Variants in MCTP1 observed in about 807,000 individuals in gnomAD.
MCTP1 encodes multiple C2 and transmembrane domain containing 1.
A neutral mutation model predicts 120.6 loss-of-function variants in MCTP1; 69 were observed. The observed-to-expected ratio is 0.57, with a 90% CI of 0.47 to 0.70. The LOEUF is 0.70. MCTP1 is among the 30% of genes least tolerant of loss of function. The pLI is 0.00. For missense variants in MCTP1, 1,203 were observed against 1,248.8 expected (o/e 0.96, Z 0.55); for synonymous variants, 529 against 493.1 (o/e 1.07, Z -0.96).
At chr5:94,775,599 G>A (rs1775115112) in intron 19 of MCTP1, among the ~76,000 whole-genome samples, 1 of 152,172 alleles carries the variant, frequency 6.6e-6, no homozygotes, top group Non-Finnish European at 1.5e-5. Flanking sequence ...ATAACAAAGG[G>A]AATTGAGAAC....
At chr5:94,733,404 C>G (rs7711363) in intron 19 of MCTP1, among the ~76,000 whole-genome samples, 29,823 of 152,118 alleles carry the variant, frequency 0.2, 3,012 homozygotes, top group South Asian at 0.31. Flanking sequence ...ATCATCTTTC[C>G]TTAGAACAAA....
At chr5:95,278,725 G>A (rs944095059) in intron 1 of MCTP1, among the ~76,000 whole-genome samples, 1 of 152,114 alleles carries the variant, frequency 6.6e-6, no homozygotes, top group Non-Finnish European at 1.5e-5. Context: ...CACCTTGGGA[G>A]GCCGAGGTGA....
intron 18 of MCTP1, among the ~76,000 whole-genome samples, chr5:94,779,542 C>T (rs988233581): frequency 3.3e-5 from 5 of 152,104 alleles, no homozygotes; most frequent in Admixed American, 3.3e-4. Context: ...TGAAACAGCT[C>T]TGCTATTTCT....
At chr5:94,867,313 T>C in intron 17 of MCTP1, 1 of 1,532,448 alleles carries the variant, frequency 6.5e-7, no homozygotes. Flanking sequence ...TCTGGTAACT[T>C]ACAACACAAA....
At chr5:95,132,364 A>C (rs1364252982) in intron 1 of MCTP1, among the ~76,000 whole-genome samples, 1 of 152,246 alleles carries the variant, frequency 6.6e-6, no homozygotes, top group African/African-American at 2.4e-5. Context: ...AAAGCCATGA[A>C]GAATCAGCAA....
At chr5:94,752,108 AATATAT>A (rs146434254) in intron 19 of MCTP1, among the ~76,000 whole-genome samples, 1,006 of 75,760 alleles carry the variant, frequency 0.013, 51 homozygotes, top group African/African-American at 0.027. Context: ...TAAATAATAA[AATATAT>A]ATATATATAT....
intron 1 of MCTP1, among the ~76,000 whole-genome samples, chr5:95,192,351 C>G (rs1329155684): frequency 6.6e-6 from 1 of 151,834 alleles, no homozygotes; most frequent in Admixed American, 6.6e-5. Context: ...ATAATTTAGC[C>G]TATTTCCATT....
At chr5:95,206,795 C>A (rs1751674502) in intron 1 of MCTP1, among the ~76,000 whole-genome samples, 1 of 152,162 alleles carries the variant, frequency 6.6e-6, no homozygotes. Context: ...CTCGGCCTCC[C>A]AAAGTGCTGG....
chr5:95,254,044 C>T (rs1205187920), intron 1 of MCTP1, among the ~76,000 whole-genome samples: 1 of 152,132 alleles, frequency 6.6e-6, no homozygotes, highest in Non-Finnish European at 1.5e-5. Flanking sequence ...ATATCTTAGT[C>T]TTCCAAACCA....
At chr5:95,207,744 G>A (rs1337084606) in intron 1 of MCTP1, among the ~76,000 whole-genome samples, 1 of 152,054 alleles carries the variant, frequency 6.6e-6, no homozygotes, top group Non-Finnish European at 1.5e-5. Context: ...AATATTTACT[G>A]AATACAAGAA....
At chr5:95,115,024 C>G (rs185345281) in intron 1 of MCTP1, among the ~76,000 whole-genome samples, 65 of 152,266 alleles carry the variant, frequency 4.3e-4, no homozygotes, top group Admixed American at 1.3e-3. Flanking sequence ...CCAAGACCAT[C>G]AAGGAGGTAC....
At chr5:94,828,358 G>T (rs2153142140) in intron 17 of MCTP1, among the ~76,000 whole-genome samples, 1 of 152,306 alleles carries the variant, frequency 6.6e-6, no homozygotes, top group African/African-American at 2.4e-5. Flanking sequence ...CCAGATGCCA[G>T]CTGGAGCTCT....
chr5:94,817,567 T>C (rs1784734386), intron 17 of MCTP1, among the ~76,000 whole-genome samples: 1 of 152,202 alleles, frequency 6.6e-6, no homozygotes, highest in Admixed American at 6.5e-5. Context: ...AAAAGTACAG[T>C]GCTGGTTTCT....
chr5:95,079,585 A>G (rs1487073280), intron 1 of MCTP1, among the ~76,000 whole-genome samples: 2 of 152,168 alleles, frequency 1.3e-5, no homozygotes, highest in Non-Finnish European at 2.9e-5. Flanking sequence ...CTTGGAATCA[A>G]AGCAAACATG....
At chr5:95,199,318 A>C (rs778262806) in intron 1 of MCTP1, among the ~76,000 whole-genome samples, 7 of 152,230 alleles carry the variant, frequency 4.6e-5, no homozygotes, top group Non-Finnish European at 7.3e-5. Context: ...AGTATAGATT[A>C]AACAACATCC....
chr5:95,153,237 C>T (rs1028538365), intron 1 of MCTP1, among the ~76,000 whole-genome samples: 2 of 152,086 alleles, frequency 1.3e-5, no homozygotes, highest in Non-Finnish European at 2.9e-5. Context: ...GGCATTCCCC[C>T]CGACCTCTCC....
intron 10 of MCTP1, among the ~76,000 whole-genome samples, chr5:94,900,242 G>A (rs1383576356): frequency 6.6e-6 from 1 of 152,178 alleles, no homozygotes; most frequent in Non-Finnish European, 1.5e-5. Context: ...TTTTTGCATG[G>A]CTAATTTTTT....
intron 1 of MCTP1, among the ~76,000 whole-genome samples, chr5:95,244,460 T>C (rs1478186765): frequency 6.6e-6 from 1 of 152,154 alleles, no homozygotes; most frequent in Non-Finnish European, 1.5e-5. Flanking sequence ...CCTGGAGAAA[T>C]GGTACACTAC....
intron 1 of MCTP1, among the ~76,000 whole-genome samples, chr5:95,038,393 A>T (rs1457155639): frequency 6.6e-6 from 1 of 152,254 alleles, no homozygotes; most frequent in Admixed American, 6.5e-5. Flanking sequence ...ACCAATATAA[A>T]TAAATAATTT....
Sources: gnomAD v4.1 joint callset for allele counts (sites outside exome capture counted in the v4.1 genomes callset) on GRCh38, gnomAD v4.1.1 for gene constraint, MANE v1.5 for transcripts, NCBI Gene and HGNC (gene_info 2026-07-23, HGNC 2026-07-21) for gene names.